The following TRAPPC9 variants were observed in gnomAD, a reference collection of about 807,000 sequenced individuals.
The protein encoded by TRAPPC9 is IKK2 binding protein.
TRAPPC9 carries 83 observed loss-of-function variants against 124.0 expected under a neutral mutation model. The ratio of observed to expected loss-of-function variants is 0.67; its 90% CI spans 0.56 to 0.80. The LOEUF is 0.80. Ranked by LOEUF, TRAPPC9 falls within the 30% of genes least tolerant of loss-of-function variation. The pLI, the probability that TRAPPC9 is intolerant of heterozygous loss-of-function variation, is 0.00. For missense variants in TRAPPC9, 1,302 were observed against 1,508.3 expected, an observed-to-expected ratio of 0.86 and a Z score of 2.27; for synonymous variants, 638 against 617.5, an observed-to-expected ratio of 1.03 and a Z score of -0.49.
At chr8:140,027,301 G>A (rs1467575912) in intron 17 of TRAPPC9, among the ~76,000 whole-genome samples, 6 of 152,160 alleles carry the variant, frequency 3.9e-5, no homozygotes, top group African/African-American at 1.4e-4. Context: ...CATATACACA[G>A]CATCTTTCTC....
chr8:139,769,929 A>C (rs1563800542), intron 21 of TRAPPC9, among the ~76,000 whole-genome samples: 1 of 152,254 alleles, frequency 6.6e-6, no homozygotes, highest in Non-Finnish European at 1.5e-5. Context: ...ACAGCAGTGA[A>C]TATGACACTT....
chr8:139,760,436 A>G (rs1327997937), intron 21 of TRAPPC9, among the ~76,000 whole-genome samples: 1 of 152,172 alleles, frequency 6.6e-6, no homozygotes, highest in Non-Finnish European at 1.5e-5. Flanking sequence ...CGCTCAGAAC[A>G]TCATCCAAAG....
chr8:140,240,957 C>T (rs1379807331), intron 16 of TRAPPC9, among the ~76,000 whole-genome samples: 1 of 152,208 alleles, frequency 6.6e-6, no homozygotes, highest in Admixed American at 6.5e-5. Context: ...TCAGGCCTTC[C>T]ACAGCCTACC....
chr8:140,171,574 C>T (rs1345071226), intron 17 of TRAPPC9, among the ~76,000 whole-genome samples: 2 of 152,174 alleles, frequency 1.3e-5, no homozygotes, highest in Non-Finnish European at 2.9e-5. Flanking sequence ...GAATCACAAA[C>T]AGCAAGGGAT....
At chr8:140,080,032 T>C (rs1199257601) in intron 17 of TRAPPC9, among the ~76,000 whole-genome samples, 4 of 152,202 alleles carry the variant, frequency 2.6e-5, no homozygotes, top group African/African-American at 9.7e-5. Flanking sequence ...TCAGATGTTA[T>C]TTCAGCTCAA....
chr8:140,012,179 A>T (rs1258785863), intron 18 of TRAPPC9, among the ~76,000 whole-genome samples: 1 of 152,190 alleles, frequency 6.6e-6, no homozygotes, highest in Admixed American at 6.5e-5. Flanking sequence ...GAAAAAACGT[A>T]TTATTTTATA....
intron 17 of TRAPPC9, among the ~76,000 whole-genome samples, chr8:140,123,597 C>T (rs185216801): frequency 3.3e-5 from 5 of 152,330 alleles, no homozygotes; most frequent in African/African-American, 1.2e-4. Context: ...TTCTTCTCAC[C>T]CCACTGCACC....
chr8:140,245,750 T>C (rs947986054), intron 16 of TRAPPC9, among the ~76,000 whole-genome samples: 2 of 152,198 alleles, frequency 1.3e-5, no homozygotes, highest in African/African-American at 4.8e-5. Flanking sequence ...GTCCTGTAAA[T>C]TAGCAGTTAG....
chr8:140,336,676 T>C (rs562268378), intron 9 of TRAPPC9, among the ~76,000 whole-genome samples: 1 of 152,270 alleles, frequency 6.6e-6, no homozygotes, highest in East Asian at 1.9e-4. Flanking sequence ...AATGAAGGGG[T>C]AGCTGAATAA....
intron 19 of TRAPPC9, among the ~76,000 whole-genome samples, chr8:139,960,199 C>G (rs777563216): frequency 3.3e-5 from 5 of 152,158 alleles, no homozygotes; most frequent in Non-Finnish European, 7.4e-5. Context: ...TACTTTGGAC[C>G]CTGCAGTGCA....
chr8:140,231,592 A>C (rs1232818886), intron 16 of TRAPPC9, among the ~76,000 whole-genome samples: 1 of 143,008 alleles, frequency 7.0e-6, no homozygotes, highest in Non-Finnish European at 1.5e-5. Flanking sequence ...TCCTGGGTTC[A>C]AGCAATTCTC....
chr8:139,867,400 C>G (rs1828615912), intron 21 of TRAPPC9, among the ~76,000 whole-genome samples: 2 of 152,106 alleles, frequency 1.3e-5, no homozygotes. Flanking sequence ...TGAATCCATA[C>G]AAATATAAAT....
chr8:139,949,172 T>C (rs2131495450), intron 19 of TRAPPC9, among the ~76,000 whole-genome samples: 1 of 152,162 alleles, frequency 6.6e-6, no homozygotes, highest in Admixed American at 6.5e-5. Context: ...CAAATAATAA[T>C]ATTAGGAATA....
rs369443572 is a variant in TRAPPC9, at chr8:140,394,183, G to T, written c.1134+3437C>A. 6.6e-5 allele frequency among the ~76,000 whole-genome samples: 10 copies of T among 152,354 alleles called. No individual in the cohort carries two copies. In the East Asian group the frequency reaches 1.3e-3, roughly 21 times the overall value. Reference sequence around the variant, plus strand: ...CAATTGAGCAGCATTAACTTGCAAAGGCAACTCCAGTTGTTAACGGCAAGC... The same window carrying T: ...CAATTGAGCAGCATTAACTTGCAAATGCAACTCCAGTTGTTAACGGCAAGC... On this transcript the variant is annotated intron_variant, in intron 7 of 22. Coordinates refer to ENST00000438773, the MANE Select transcript of TRAPPC9 (RefSeq NM_001160372.4).
At chr8:139,925,528 G>T (rs1438290051) in intron 19 of TRAPPC9, among the ~76,000 whole-genome samples, 2 of 152,064 alleles carry the variant, frequency 1.3e-5, no homozygotes, top group Non-Finnish European at 2.9e-5. Flanking sequence ...CGGGCAGATT[G>T]CTTGAGGCCA....
chr8:140,014,093 C>T lies in TRAPPC9; in HGVS notation c.2699+9844G>A, dbSNP rs181783703. 3.6e-3 allele frequency among the ~76,000 whole-genome samples: 544 copies of T among 152,262 alleles called. 4 individuals carry two copies. Among genetic ancestry groups the T allele is most frequent in the African/African-American group, 0.013 (521 of 41,550 alleles). ...GCCCCTTCCATGGGTGAGCTGTCCC[C>T]ACCACACAGGGAAAGTGACGAAGGC... On this transcript the variant is annotated intron_variant, in intron 18 of 22. Coordinates refer to ENST00000438773, the MANE Select transcript of TRAPPC9 (RefSeq NM_001160372.4).
chr8:140,359,866 T>A (rs546128695), intron 9 of TRAPPC9, among the ~76,000 whole-genome samples, 184 bp downstream of exon 9: 1 of 151,882 alleles, frequency 6.6e-6, no homozygotes, highest in South Asian at 2.1e-4. Flanking sequence ...GGCACAGGTG[T>A]CCCAGAGAAG....
chr8:140,181,034 C>T (rs986865888), intron 17 of TRAPPC9, among the ~76,000 whole-genome samples: 1 of 152,136 alleles, frequency 6.6e-6, no homozygotes, highest in African/African-American at 2.4e-5. Flanking sequence ...TTTTTCTCTC[C>T]AGGATTTTTT....
rs143233192 is a variant in TRAPPC9, at chr8:140,410,570, G to A, written c.887-4872C>T. On this transcript the variant is annotated intron_variant, in intron 5 of 22. Coordinates refer to ENST00000438773, the MANE Select transcript of TRAPPC9 (RefSeq NM_001160372.4). ...ACAACAACAAAAAAAAAGGCCGGGC[G>A]CAGTGGCTCACGCCTGTAATCCCAG... is the stretch of plus-strand genomic sequence containing the variant. 1.5e-3 allele frequency among the ~76,000 whole-genome samples: 223 copies of A among 152,202 alleles called. 3 individuals carry two copies. The East Asian group carries it at 0.034, about 23-fold the overall frequency.
Sources: allele counts gnomAD v4.1 joint callset (sites outside exome capture counted in the v4.1 genomes callset), GRCh38; gene constraint gnomAD v4.1.1; transcripts MANE v1.5; gene names NCBI Gene and HGNC (gene_info 2026-07-23, HGNC 2026-07-21).